Variants in DNAJB6 observed in about 807,000 individuals in gnomAD.
DNAJB6 encodes dnaJ homolog subfamily B member 6.
A neutral mutation model predicts 42.7 loss-of-function variants in DNAJB6; 16 were observed. That is an observed-to-expected ratio of 0.37 (90% CI 0.25 to 0.57). The LOEUF (loss-of-function observed/expected upper bound fraction) is 0.57, where lower values mean the gene tolerates loss of function less well. Among genes scored for constraint, DNAJB6 ranks in the 20% least tolerant of loss-of-function variants. The probability of loss-of-function intolerance (pLI) is 0.74; values close to 1 mark genes in which losing one functional copy is unlikely to be tolerated. For synonymous variants in DNAJB6, 170 were observed against 163.5 expected, an observed-to-expected ratio of 1.04 and a Z score of -0.30; for missense variants, 347 against 416.8, an observed-to-expected ratio of 0.83 and a Z score of 1.46.
chr7:157,384,854 T>C lies in DNAJB6; in HGVS notation c.479-13T>C. On this transcript the variant is annotated splice_polypyrimidine_tract_variant and intron_variant, in intron 6 of 9. Transcript: ENST00000262177. The stretch of plus-strand genomic sequence containing the variant: ...TATTTCTTTAAGCATTTTTCTTTTC[T>C]GTTTTCCTGTAGGATTTACTTCATT... The C allele has an allele frequency of 6.2e-7, 1 of 1,605,212 alleles. No homozygotes were observed. Among genetic ancestry groups the C allele is most frequent in the Non-Finnish European group, 8.5e-7 (1 of 1,177,236 alleles).
chr7:157,350,528 TTTGTTCAGGCAGAGAAAGGTTG>T (rs375040378), intron 1 of DNAJB6, among the ~76,000 whole-genome samples: 32 of 152,224 alleles, frequency 2.1e-4, no homozygotes, highest in African/African-American at 7.2e-4. Flanking sequence ...GTCACTGGCG[TTTGTTCAGGCAGAGAAAGGTTG>T]CACTAATTAG....
intron 2 of DNAJB6, among the ~76,000 whole-genome samples, chr7:157,361,893 TGA>T (rs1799621940): frequency 6.6e-6 from 1 of 152,166 alleles, no homozygotes; most frequent in Non-Finnish European, 1.5e-5. Context: ...CTCAGCCTCC[TGA>T]GTAGCTGGGA....
At chr7:157,394,973 C>G (rs1190981285) in intron 8 of DNAJB6, among the ~76,000 whole-genome samples, 2 of 152,100 alleles carry the variant, frequency 1.3e-5, no homozygotes, top group Admixed American at 1.3e-4. Context: ...CGCCTCTAGT[C>G]CCAGCTACTC....
intron 8 of DNAJB6, among the ~76,000 whole-genome samples, chr7:157,398,833 G>A (rs565381385): frequency 7.2e-5 from 11 of 152,318 alleles, no homozygotes; most frequent in Admixed American, 2.0e-4. Context: ...TTATCTATGG[G>A]CTGTAGAATT....
rs1269443798 is a variant in DNAJB6, at chr7:157,366,705, CAG to C, written c.235+148_235+149del. 5 of 702,758 alleles carry C rather than the reference CAG, an allele frequency of 7.1e-6. No individual in the cohort carries two copies. In the African/African-American group the frequency reaches 7.3e-5, roughly 10 times the overall value. The allele number at this position is 702,758 out of a possible 1,614,324, so 43.5% of individuals were successfully genotyped here. The stretch of plus-strand genomic sequence containing the variant: ...AAAGCGAACTAAATTGGGGAGAGGA[CAG>C]AGAAATTGATGGCATTTAAAAGTCT... On this transcript the variant is annotated intron_variant, in intron 4 of 9. Transcript: ENST00000262177.
At chr7:157,365,498 G>A (rs1443873077) in intron 3 of DNAJB6, among the ~76,000 whole-genome samples, 1 of 152,156 alleles carries the variant, frequency 6.6e-6, no homozygotes, top group African/African-American at 2.4e-5. Flanking sequence ...CTAGGCCCTG[G>A]CATGTTTGTT....
chr7:157,374,492 C>T (rs1263755068), intron 5 of DNAJB6, among the ~76,000 whole-genome samples: 1 of 152,104 alleles, frequency 6.6e-6, no homozygotes, highest in East Asian at 1.9e-4. Flanking sequence ...CTCCTGAGCT[C>T]AGGCGATCCA....
At chr7:157,368,174 A>G (rs1799935437) in intron 5 of DNAJB6, among the ~76,000 whole-genome samples, 1 of 152,232 alleles carries the variant, frequency 6.6e-6, no homozygotes, top group Non-Finnish European at 1.5e-5. Context: ...TTGAAAATTT[A>G]AGTTACAGCT....
intron 1 of DNAJB6, among the ~76,000 whole-genome samples, chr7:157,343,736 A>G (rs749644955): frequency 3.3e-5 from 5 of 152,278 alleles, no homozygotes; most frequent in Non-Finnish European, 5.9e-5. Flanking sequence ...CGCATGAGCT[A>G]CCCACGCCTA....
At chr7:157,384,389 TC>T (rs1454990976) in intron 6 of DNAJB6, among the ~76,000 whole-genome samples, 1 of 152,218 alleles carries the variant, frequency 6.6e-6, no homozygotes, top group Non-Finnish European at 1.5e-5. Flanking sequence ...GTCACTCTGT[TC>T]CTGTGGGGTA....
In DNAJB6 at chr7:157,405,306, G is replaced by C. The variant is rs530302766; in HGVS notation, c.692-4489G>C. On this transcript the variant is annotated intron_variant, in intron 8 of 9. Transcript: ENST00000262177. ...AGGGTGTTGCTGTGGGAAGTGTGCTGAGTTGTGTGTTCCTCGGCCCTCTGT... is the reference window on the plus strand; with the variant it reads ...AGGGTGTTGCTGTGGGAAGTGTGCTCAGTTGTGTGTTCCTCGGCCCTCTGT... Among the ~76,000 whole-genome samples, 10 of 152,312 alleles carry C rather than the reference G, an allele frequency of 6.6e-5. 1 individual carries two copies. In the South Asian group the frequency reaches 2.1e-3, roughly 32 times the overall value.
intron 5 of DNAJB6, among the ~76,000 whole-genome samples, chr7:157,372,532 C>G (rs1318741980): frequency 1.3e-5 from 2 of 152,196 alleles, no homozygotes; most frequent in Non-Finnish European, 2.9e-5. Flanking sequence ...AACAGTGTAT[C>G]TAGAATAAAA....
intron 1 of DNAJB6, among the ~76,000 whole-genome samples, chr7:157,353,124 C>T (rs941946547): frequency 2.7e-5 from 4 of 149,754 alleles, no homozygotes; most frequent in Middle Eastern, 3.2e-3. Flanking sequence ...GACAGGGTTT[C>T]GCCGTGTTGC....
At chr7:157,397,297 C>T (rs760660316) in intron 8 of DNAJB6, among the ~76,000 whole-genome samples, 1 of 152,220 alleles carries the variant, frequency 6.6e-6, no homozygotes, top group Non-Finnish European at 1.5e-5. Flanking sequence ...CTGTTGTGCA[C>T]CAGCACCTAG....
chr7:157,416,113 A>T lies in DNAJB6; in HGVS notation c.*15A>T, dbSNP rs1373925370. On this transcript the variant is annotated 3_prime_UTR_variant, in exon 10 of 10. Transcript: ENST00000262177. ...GCAATCACTAGACCGGACTTGAGGC[A>T]CGCGGTGCACCCCCAGACGCTGGCG... 6 of 1,611,050 alleles carry T rather than the reference A, an allele frequency of 3.7e-6. No individual in the cohort carries two copies. In the African/African-American group the frequency reaches 8.0e-5, roughly 22 times the overall value.
At chr7:157,395,135 GAGTT>G (rs2117139078) in intron 8 of DNAJB6, among the ~76,000 whole-genome samples, 1 of 152,082 alleles carries the variant, frequency 6.6e-6, no homozygotes, top group African/African-American at 2.4e-5. Context: ...AGAAAGCAGA[GAGTT>G]AGCTGTTTGT....
At chr7:157,349,931 C>T (rs1488517257) in intron 1 of DNAJB6, among the ~76,000 whole-genome samples, 2 of 152,120 alleles carry the variant, frequency 1.3e-5, no homozygotes, top group African/African-American at 4.8e-5. Context: ...ACATGAGCCA[C>T]CGCGCCTGGC....
chr7:157,401,808 C>G (rs1360238112), intron 8 of DNAJB6, among the ~76,000 whole-genome samples: 1 of 152,240 alleles, frequency 6.6e-6, no homozygotes, highest in Non-Finnish European at 1.5e-5. Context: ...GCCCTGACCT[C>G]TGCAGCAGCG....
chr7:157,372,196 A>G (rs889609509), intron 5 of DNAJB6: 11 of 152,860 alleles, frequency 7.2e-5, no homozygotes, highest in African/African-American at 2.7e-4. Context: ...AGGAGTTAGT[A>G]GAGCTGCCCA....
Sources: allele counts gnomAD v4.1 joint callset (sites outside exome capture counted in the v4.1 genomes callset), GRCh38; gene constraint gnomAD v4.1.1; transcripts MANE v1.5; gene names NCBI Gene and HGNC (gene_info 2026-07-23, HGNC 2026-07-21).